Variants in HSD17B3 observed in about 807,000 individuals in gnomAD.
HSD17B3 encodes the protein hydroxysteroid 17-beta dehydrogenase 3.
Under a neutral mutation model 41.1 loss-of-function variants are expected in HSD17B3, and 29 were observed. The observed-to-expected ratio is 0.71, with a 90% CI of 0.53 to 0.96. HSD17B3 has a LOEUF of 0.96. Ranked by LOEUF, HSD17B3 falls within the 40% of genes least tolerant of loss-of-function variation. HSD17B3 has a pLI of 0.00. For synonymous variants in HSD17B3, 126 were observed against 145.6 expected (o/e 0.87, Z 0.97); for missense variants, 323 against 374.6 (o/e 0.86, Z 1.14).
At chr9:96,248,228 C>T (rs538765582) in intron 6 of HSD17B3, among the ~76,000 whole-genome samples, 1 of 152,156 alleles carries the variant, frequency 6.6e-6, no homozygotes, top group Non-Finnish European at 1.5e-5. Context: ...AAAAAGCCAT[C>T]AATTGCTAAG....
chr9:96,245,405 GTTCAGGATGAGACCT>G lies in HSD17B3; in HGVS notation c.531_545del (p.Lys177_Leu181del), dbSNP rs1836621790. 1 of 1,613,962 alleles carries G rather than the reference GTTCAGGATGAGACCT, an allele frequency of 6.2e-7. No individual in the cohort carries two copies. The highest frequency in any genetic ancestry group is 1.3e-5 in the African/African-American group (1 of 74,950). ...GAAACAGGGCTATCCCAGAAGAAAT[GTTCAGGATGAGACCT>G]TTCTGCCTGAAAGGCAAAGAAGCAA... On this transcript the variant is annotated inframe_deletion, in exon 8 of 11. Coordinates refer to ENST00000375263, the MANE Select transcript of HSD17B3 (RefSeq NM_000197.2).
chr9:96,269,909 G>GAAAA (rs59947729), intron 2 of HSD17B3, among the ~76,000 whole-genome samples: 6 of 103,880 alleles, frequency 5.8e-5, no homozygotes, highest in East Asian at 2.9e-4. Context: ...ATCTTAAAAA[G>GAAAA]AAAAAAAAAA....
chr9:96,301,694 G>A (rs1228518026), intron 1 of HSD17B3, among the ~76,000 whole-genome samples: 3 of 139,566 alleles, frequency 2.1e-5, no homozygotes, highest in Non-Finnish European at 4.6e-5. Context: ...CCGGGCAACA[G>A]AGTGAGACTC....
chr9:96,290,145 C>A (rs1400604471), intron 2 of HSD17B3, among the ~76,000 whole-genome samples: 1 of 152,066 alleles, frequency 6.6e-6, no homozygotes, highest in Non-Finnish European at 1.5e-5. Context: ...CCACTCTCTT[C>A]CTCCCTCCAC....
In HSD17B3 at chr9:96,252,884, T is replaced by A. The variant is rs116436956; in HGVS notation, c.304A>T (p.Ile102Phe). The A allele has an allele frequency of 1.5e-4, 234 of 1,612,560 alleles. No homozygotes were observed. The African/African-American group carries it at 2.8e-3, about 20-fold the overall frequency. Residue 102 changes from isoleucine (I) to phenylalanine (F), a missense_variant, in exon 4 of 11, where the codon ATT becomes TTT. Physicochemically the swap from Ile to Phe is conservative, Grantham distance 21 (BLOSUM62 0). Transcript: ENST00000375263. ...TCTTTTGTAAAATCTGCTTGTATAATCTTCACACTCCTCCCTGTAGTCCGC... is the reference window on the plus strand; with the variant it reads ...TCTTTTGTAAAATCTGCTTGTATAAACTTCACACTCCTCCCTGTAGTCCGC... ...IERTTGRSVK[I>F]IQADFTKDDI...
intron 2 of HSD17B3, among the ~76,000 whole-genome samples, chr9:96,290,790 C>T (rs1335192511): frequency 4.6e-5 from 7 of 151,734 alleles, no homozygotes; most frequent in African/African-American, 1.5e-4. Context: ...GCCGAGATCG[C>T]GCCACTGCAC....
chr9:96,293,738 A>AT, intron 2 of HSD17B3, among the ~76,000 whole-genome samples: 1 of 152,158 alleles, frequency 6.6e-6, no homozygotes, highest in Non-Finnish European at 1.5e-5. Flanking sequence ...TTCTCAAAAA[A>AT]TAAAAAAAGC....
At chr9:96,242,412 C>A (rs74662342) in intron 9 of HSD17B3, among the ~76,000 whole-genome samples, 8,653 of 152,196 alleles carry the variant, frequency 0.057, 407 homozygotes, top group East Asian at 0.24. Flanking sequence ...TATAAGCAGG[C>A]ATTATAAGCC....
intron 2 of HSD17B3, among the ~76,000 whole-genome samples, chr9:96,267,655 C>A (rs1032972059): frequency 6.6e-5 from 10 of 151,018 alleles, no homozygotes; most frequent in Non-Finnish European, 1.5e-4. Flanking sequence ...AGGGAAGATA[C>A]AATTGATGAA....
chr9:96,261,250 T>C (rs886519241), intron 2 of HSD17B3, among the ~76,000 whole-genome samples: 1 of 95,716 alleles, frequency 1.0e-5, no homozygotes, highest in African/African-American at 4.0e-5. Context: ...AATGTAAGTG[T>C]TTATTCATGA....
intron 9 of HSD17B3, among the ~76,000 whole-genome samples, chr9:96,242,005 G>GAAAGAAA (rs10639457): frequency 1.0e-4 from 7 of 68,528 alleles, no homozygotes; most frequent in African/African-American, 1.8e-4. Context: ...AAGAAAGAAA[G>GAAAGAAA]AGAAAGAAAA....
chr9:96,300,152 T>C (rs28623339), intron 1 of HSD17B3, among the ~76,000 whole-genome samples: 4,686 of 149,176 alleles, frequency 0.031, 154 homozygotes, highest in African/African-American at 0.076. Context: ...AACACTCAGG[T>C]CAAGCTGCTG....
chr9:96,265,890 A>G (rs1826028958), intron 2 of HSD17B3, among the ~76,000 whole-genome samples: 1 of 152,216 alleles, frequency 6.6e-6, no homozygotes, highest in African/African-American at 2.4e-5. Flanking sequence ...TGGCAGAGAT[A>G]CAAATTATGT....
Position 96,250,456 on chromosome 9 carries a change from A to C in HSD17B3, c.454-670T>G, listed in dbSNP as rs190334827. On this transcript the variant is annotated intron_variant, in intron 5 of 10. Transcript: ENST00000375263. ...CTGGCATTATCACCCGGTGCAGCAG[A>C]CTCGGGGCTTACACAGGACGATGGG... 1.6e-4 allele frequency: 170 copies of C among 1,063,694 alleles called. 1 individual carries two copies. The East Asian group carries it at 7.2e-3, about 45-fold the overall frequency. The allele number at this position is 1,063,694 out of a possible 1,614,324, so 65.9% of individuals were successfully genotyped here.
At chr9:96,244,152 G>T in intron 9 of HSD17B3, 177 bp downstream of exon 9, 1 of 710,816 alleles carries the variant, frequency 1.4e-6, no homozygotes, top group South Asian at 1.6e-5. Context: ...GGACTGAGGC[G>T]CCCCAAAAGC....
At chr9:96,270,732 G>A (rs1826208764) in intron 2 of HSD17B3, among the ~76,000 whole-genome samples, 1 of 152,228 alleles carries the variant, frequency 6.6e-6, no homozygotes, top group African/African-American at 2.4e-5. Flanking sequence ...GAGGTGGGCA[G>A]GCCACCCAGA....
At chr9:96,295,797 G>A (rs953244998) in intron 2 of HSD17B3, among the ~76,000 whole-genome samples, 2 of 152,198 alleles carry the variant, frequency 1.3e-5, no homozygotes, top group African/African-American at 4.8e-5. Flanking sequence ...TACTGTAGTT[G>A]AATGCATTTT....
At chr9:96,250,540 A>C in intron 5 of HSD17B3, 1 of 933,138 alleles carries the variant, frequency 1.1e-6, no homozygotes, top group Non-Finnish European at 1.3e-6. Flanking sequence ...TGTAGCCCTA[A>C]TGACTCCAAA....
intron 2 of HSD17B3, among the ~76,000 whole-genome samples, chr9:96,292,109 G>A (rs1450282199): frequency 6.6e-6 from 1 of 152,022 alleles, no homozygotes; most frequent in African/African-American, 2.4e-5. Context: ...TTAAAACCTT[G>A]ATGGATGGGC....
Sources: gnomAD v4.1 joint callset for allele counts (sites outside exome capture counted in the v4.1 genomes callset) on GRCh38, gnomAD v4.1.1 for gene constraint, MANE v1.5 for transcripts, NCBI Gene and HGNC (gene_info 2026-07-23, HGNC 2026-07-21) for gene names.